The following FRMD7 variants were observed in gnomAD, a reference collection of about 807,000 sequenced individuals.
FRMD7 encodes the protein FERM domain containing 7, also known as FERM domain-containing protein 7.
Under a neutral mutation model 44.1 loss-of-function variants are expected in FRMD7, and 14 were observed. That is an observed-to-expected ratio of 0.32 (90% CI 0.21 to 0.50). FRMD7 has a LOEUF of 0.50. FRMD7 is among the 20% of genes least tolerant of loss of function. FRMD7 has a pLI of 0.99. For synonymous variants in FRMD7, 212 were observed against 187.4 expected (o/e 1.13, Z -1.07); for missense variants, 501 against 522.3 (o/e 0.96, Z 0.40).
intron 1 of FRMD7, among the ~76,000 whole-genome samples, chrX:132,101,656 G>C (rs756203935): frequency 1.6e-4 from 18 of 112,299 alleles, no homozygotes; most frequent in Non-Finnish European, 3.2e-4. Context: ...TGAGCCCCTT[G>C]AGTAGATTTC....
chrX:132,097,020 C>T (rs188379453), intron 4 of FRMD7, among the ~76,000 whole-genome samples: 30 of 110,934 alleles, frequency 2.7e-4, no homozygotes, highest in Non-Finnish European at 4.7e-4. Flanking sequence ...AATGGCATAA[C>T]CCCCAAGTGG....
chrX:132,090,959 C>T (rs1001888922), intron 5 of FRMD7, among the ~76,000 whole-genome samples: 10 of 111,112 alleles, frequency 9.0e-5, no homozygotes, highest in African/African-American at 3.3e-4. Flanking sequence ...ACTGTTACCA[C>T]GCTGGTCCAA....
intron 7 of FRMD7, 58 bp from the exon 8 acceptor site, chrX:132,084,643 C>G: frequency 1.4e-6 from 1 of 690,313 alleles, no homozygotes; most frequent in Non-Finnish European, 2.4e-6. Context: ...GCTTGTAAGA[C>G]AGTGCAAACC....
chrX:132,100,516 T>C, intron 2 of FRMD7, 96 bp downstream of exon 2: 1 of 611,886 alleles, frequency 1.6e-6, no homozygotes, highest in Non-Finnish European at 2.8e-6. Flanking sequence ...TAGTTTTTCA[T>C]TTTTCAATCA....
chrX:132,118,030 C>T (rs949793341), intron 1 of FRMD7, among the ~76,000 whole-genome samples: 4 of 111,530 alleles, frequency 3.6e-5, no homozygotes, highest in African/African-American at 9.8e-5. Flanking sequence ...TAATTAAATA[C>T]GGAAATATGA....
chrX:132,085,959 C>T lies in FRMD7; in HGVS notation c.458G>A (p.Cys153Tyr), dbSNP rs199857416. The T allele has an allele frequency of 3.5e-5, 42 of 1,204,842 alleles. 1 individual carries two copies. Among genetic ancestry groups the T allele is most frequent in the Non-Finnish European group, 4.4e-5 (39 of 890,355 alleles). ...AQTRYLPNQD[C>Y]LEGKIMHFHQ... Reference sequence around the variant, plus strand: ...AAAGTGCATGATCTTGCCCTCTAAACAGTCTTGGTTTGGTAAGTACCGAGT... The same window carrying T: ...AAAGTGCATGATCTTGCCCTCTAAATAGTCTTGGTTTGGTAAGTACCGAGT... Residue 153 changes from cysteine to tyrosine, a missense_variant, in exon 6 of 12, where the codon TGT (cysteine) becomes TAT (tyrosine). By Grantham distance (194) the Cys-to-Tyr change is radical (BLOSUM62 -2). Around this residue, in one of 3 missense-constraint regions of FRMD7, gnomAD observed 453 missense variants for 452.7 expected, o/e 1.00. Transcript: ENST00000298542.
At chrX:132,096,885 A>T (rs1343173406) in intron 4 of FRMD7, among the ~76,000 whole-genome samples, 2 of 111,645 alleles carry the variant, frequency 1.8e-5, no homozygotes, top group African/African-American at 6.5e-5. Context: ...TGTGAGATAC[A>T]TTCACAACCC....
chrX:132,124,071 C>T (rs907711595), intron 1 of FRMD7, among the ~76,000 whole-genome samples: 3 of 111,559 alleles, frequency 2.7e-5, no homozygotes, highest in African/African-American at 6.5e-5. Context: ...AGAGTGTGTG[C>T]ACACATGCAT....
intron 5 of FRMD7, among the ~76,000 whole-genome samples, chrX:132,086,397 C>G (rs1927992800): frequency 9.0e-6 from 1 of 111,233 alleles, no homozygotes; most frequent in Non-Finnish European, 1.9e-5. Context: ...AACTATGTCC[C>G]CACCCTCTGC....
At position 132,085,962 on chromosome X, in the gene FRMD7, T is replaced by C. The variant is rs1445508249; in HGVS notation, c.455A>G (p.Asp152Gly). ...GTGCATGATCTTGCCCTCTAAACAG[T>C]CTTGGTTTGGTAAGTACCGAGTTTG... ...LAQTRYLPNQ[D>G]CLEGKIMHFH... Residue 152 changes from aspartate (D) to glycine (G), a missense_variant, in exon 6 of 12, where the codon GAC (aspartate) becomes GGC (glycine). Physicochemically the swap from Asp to Gly is moderately conservative, Grantham distance 94. This residue lies in a region of FRMD7 where 453 missense variants were observed against 452.7 expected (regional missense o/e 1.00). Coordinates refer to ENST00000298542, the MANE Select transcript of FRMD7 (RefSeq NM_194277.3). The C allele has an allele frequency of 2.5e-6, 3 of 1,205,755 alleles. No homozygotes were observed. The African/African-American group carries it at 5.3e-5, about 21-fold the overall frequency.
In FRMD7 at chrX:132,099,459, C is replaced by CAT; in HGVS notation, c.205+7_205+8dup. On this transcript the variant is annotated intron_variant, in intron 3 of 11. Transcript: ENST00000298542. ...GAACTCTCTTCCTTAAATGATTTTCCATACTTACTTTTTACCTGCTTTGTT... is the reference window on the plus strand; with the variant it reads ...GAACTCTCTTCCTTAAATGATTTTCCATATACTTACTTTTTACCTGCTTTGTT... 8.4e-7 allele frequency: 1 copy of CAT among 1,190,897 alleles called. No individual in the cohort carries two copies. Among genetic ancestry groups the CAT allele is most frequent in the Non-Finnish European group, 1.1e-6 (1 of 879,369 alleles).
intron 1 of FRMD7, among the ~76,000 whole-genome samples, chrX:132,105,094 G>C (rs1928611134): frequency 8.9e-6 from 1 of 111,790 alleles, no homozygotes; most frequent in Admixed American, 9.5e-5. Context: ...TGTACTCACT[G>C]CTTTGAAATC....
rs575388587 is a variant in FRMD7, at chrX:132,081,280, C to T, written c.906-1014G>A. Reference sequence around the variant, plus strand: ...ATGGGAGGCGGAGATTGCAGTGAGCCGAGATCGCGCCACTGCACTCCAGCC... The same window carrying T: ...ATGGGAGGCGGAGATTGCAGTGAGCTGAGATCGCGCCACTGCACTCCAGCC... On this transcript the variant is annotated intron_variant, in intron 9 of 11. Coordinates refer to ENST00000298542, the MANE Select transcript of FRMD7 (RefSeq NM_194277.3). Among the ~76,000 whole-genome samples the T allele has an allele frequency of 6.3e-5, 7 of 110,566 alleles. No homozygotes were observed. The South Asian group carries it at 1.5e-3, about 24-fold the overall frequency.
Position 132,082,351 on chromosome X carries a change from T to C in FRMD7, c.905+12A>G, listed in dbSNP as rs772119856. ...AGTGTGAGCAGTTTGCCTATGTGCA[T>C]TGTTTAATTACCTATAGCGGAAACT... On this transcript the variant is annotated intron_variant, in intron 9 of 11. Transcript: ENST00000298542. The C allele has an allele frequency of 1.7e-6, 2 of 1,202,165 alleles. No individual in the cohort carries two copies. The highest frequency in any genetic ancestry group is 1.8e-5 in the South Asian group (1 of 56,798).
intron 11 of FRMD7, among the ~76,000 whole-genome samples, chrX:132,079,544 T>C (rs1927739445): frequency 8.9e-6 from 1 of 112,016 alleles, no homozygotes; most frequent in South Asian, 3.7e-4. Flanking sequence ...ACAATTTTCA[T>C]ACTAAAAATG....
intron 3 of FRMD7, among the ~76,000 whole-genome samples, chrX:132,097,826 C>T (rs982955694): frequency 6.2e-5 from 7 of 112,589 alleles, no homozygotes; most frequent in Non-Finnish European, 1.3e-4. Context: ...AACACATATA[C>T]TTATCTTCAC....
intron 1 of FRMD7, among the ~76,000 whole-genome samples, chrX:132,104,459 G>A (rs1055255628): frequency 2.7e-5 from 3 of 111,575 alleles, no homozygotes; most frequent in Admixed American, 9.5e-5. Context: ...TTGGGAGGCC[G>A]AGGTGGTGGG....
At chrX:132,106,321 G>A (rs369947207) in intron 1 of FRMD7, among the ~76,000 whole-genome samples, 4 of 111,582 alleles carry the variant, frequency 3.6e-5, no homozygotes, top group African/African-American at 6.5e-5. Context: ...ACCATTTCAC[G>A]CAATTCAAAT....
chrX:132,114,740 T>G (rs1212098074), intron 1 of FRMD7, among the ~76,000 whole-genome samples: 1 of 112,170 alleles, frequency 8.9e-6, no homozygotes, highest in Non-Finnish European at 1.9e-5. Flanking sequence ...ACCTGTGGAC[T>G]ACACTAAGGG....
Sources: gnomAD v4.1 joint callset for allele counts (sites outside exome capture counted in the v4.1 genomes callset) on GRCh38, gnomAD v4.1.1 for gene constraint, gnomAD v4.1.1 regional missense constraint, MANE v1.5 for transcripts, NCBI Gene and HGNC (gene_info 2026-07-23, HGNC 2026-07-21) for gene names.